Variants in HSD17B11 observed in about 807,000 individuals in gnomAD.
The protein encoded by HSD17B11 is hydroxysteroid 17-beta dehydrogenase 11, also known as estradiol 17-beta-dehydrogenase 11.
Under a neutral mutation model 27.8 loss-of-function variants are expected in HSD17B11, and 22 were observed. That is an observed-to-expected ratio of 0.79 (90% CI 0.56 to 1.13). HSD17B11 has a LOEUF of 1.13. Ranked by LOEUF, HSD17B11 falls within the 50% of genes most tolerant of loss-of-function variation. The probability of loss-of-function intolerance (pLI) is 0.00; values close to 1 mark genes in which losing one functional copy is unlikely to be tolerated. For synonymous variants in HSD17B11, 117 were observed against 132.8 expected (o/e 0.88, Z 0.82); for missense variants, 314 against 351.1 (o/e 0.89, Z 0.84).
intron 1 of HSD17B11, among the ~76,000 whole-genome samples, chr4:87,383,205 G>C (rs1360625895): frequency 2.0e-5 from 3 of 152,190 alleles, no homozygotes; most frequent in African/African-American, 7.2e-5. Context: ...GGATCATAAA[G>C]GTCAAGGCCA....
intron 5 of HSD17B11, among the ~76,000 whole-genome samples, chr4:87,355,524 GA>G (rs150489529): frequency 0.036 from 5,234 of 147,412 alleles, 322 homozygotes; most frequent in African/African-American, 0.12. Context: ...AACAACTGGG[GA>G]AAAAAAAAAC....
chr4:87,359,497 G>A (rs941589041), intron 4 of HSD17B11, among the ~76,000 whole-genome samples: 2 of 152,210 alleles, frequency 1.3e-5, no homozygotes, highest in East Asian at 3.9e-4. Flanking sequence ...AAGTAGCTGG[G>A]ACTACAGGCA....
intron 6 of HSD17B11, chr4:87,340,264 T>C (rs57041248): frequency 0.14 from 40,021 of 276,026 alleles, 3,386 homozygotes; most frequent in East Asian, 0.3. Context: ...TGCAGAAATA[T>C]ACAAATTTCT....
chr4:87,378,948 T>TATATATATA (rs1560769667), intron 2 of HSD17B11, among the ~76,000 whole-genome samples: 1 of 15,866 alleles, frequency 6.3e-5, no homozygotes, highest in African/African-American at 5.0e-4. Context: ...ATATATATAT[T>TATATATATA]TATATATATA....
chr4:87,378,831 AATATATATATATAAAT>A (rs1252816979), intron 2 of HSD17B11, among the ~76,000 whole-genome samples: 3 of 21,908 alleles, frequency 1.4e-4, no homozygotes, highest in Admixed American at 7.5e-4. Flanking sequence ...TATATATATA[AATATATATATATAAAT>A]ATATATATAA....
intron 4 of HSD17B11, among the ~76,000 whole-genome samples, chr4:87,370,090 C>A (rs1253422428): frequency 2.6e-5 from 4 of 152,150 alleles, no homozygotes; most frequent in African/African-American, 9.7e-5. Flanking sequence ...AAATTATTTT[C>A]TGTGGCTGTA....
chr4:87,384,979 G>C (rs1390695255), intron 1 of HSD17B11, among the ~76,000 whole-genome samples: 1 of 151,968 alleles, frequency 6.6e-6, no homozygotes, highest in Non-Finnish European at 1.5e-5. Context: ...TCTTTATACT[G>C]TCTCTCTTTA....
At chr4:87,375,824 C>T (rs1201032172) in intron 2 of HSD17B11, among the ~76,000 whole-genome samples, 1 of 123,724 alleles carries the variant, frequency 8.1e-6, no homozygotes, top group Non-Finnish European at 1.7e-5. Context: ...ATTAAGCTGG[C>T]CACATTTTCT....
chr4:87,366,955 T>C (rs949719377), intron 4 of HSD17B11, among the ~76,000 whole-genome samples: 1 of 152,210 alleles, frequency 6.6e-6, no homozygotes, highest in African/African-American at 2.4e-5. Context: ...CTTAAAATAT[T>C]GCTGATCTTT....
intron 4 of HSD17B11, among the ~76,000 whole-genome samples, chr4:87,364,107 G>A (rs1390875015): frequency 6.6e-6 from 1 of 151,826 alleles, no homozygotes; most frequent in South Asian, 2.1e-4. Context: ...GCTGGAAAAA[G>A]GTTTTTTCTT....
chr4:87,346,040 A>G (rs1735265581), intron 5 of HSD17B11, among the ~76,000 whole-genome samples: 1 of 152,218 alleles, frequency 6.6e-6, no homozygotes, highest in Admixed American at 6.5e-5. Flanking sequence ...AAAATTCTCA[A>G]CAAAAGATTG....
chr4:87,374,869 G>T, intron 2 of HSD17B11, 39 bp from the exon 3 acceptor site: 2 of 1,475,644 alleles, frequency 1.4e-6, no homozygotes, highest in Non-Finnish European at 1.8e-6. Context: ...TTCATTAAGA[G>T]GTATGAGGGT....
intron 5 of HSD17B11, among the ~76,000 whole-genome samples, chr4:87,347,030 A>G (rs1251388998): frequency 6.6e-6 from 1 of 151,304 alleles, no homozygotes; most frequent in Non-Finnish European, 1.5e-5. Flanking sequence ...TATAGTAAAC[A>G]GTAAATTGTA....
intron 4 of HSD17B11, among the ~76,000 whole-genome samples, chr4:87,361,779 ACTTT>A (rs999383095): frequency 6.6e-6 from 1 of 151,754 alleles, no homozygotes; most frequent in Non-Finnish European, 1.5e-5. Context: ...AAATAAATAA[ACTTT>A]CTTTCACTTT....
At chr4:87,345,458 T>G (rs1735253108) in intron 5 of HSD17B11, among the ~76,000 whole-genome samples, 2 of 151,000 alleles carry the variant, frequency 1.3e-5, no homozygotes, top group Admixed American at 6.6e-5. Flanking sequence ...AAAAAAAGAT[T>G]GAAGCACAAA....
Position 87,372,834 on chromosome 4 carries a change from A to G in HSD17B11, c.451-19T>C. The G allele has an allele frequency of 7.0e-7, 1 of 1,436,058 alleles. No homozygotes were observed. The highest frequency in any genetic ancestry group is 9.7e-7 in the Non-Finnish European group (1 of 1,034,556). 89.0% of individuals were successfully genotyped at this position (1,436,058 alleles called of 1,614,324 possible). On this transcript the variant is annotated intron_variant, in intron 3 of 6. Transcript: ENST00000358290. ...TTGTAGTCTACAAATAGTTTTTATT[A>G]AAAGAGAAAAAATACTGTATTTCAG...
chr4:87,344,300 A>T (rs933287098), intron 5 of HSD17B11, among the ~76,000 whole-genome samples: 2 of 152,262 alleles, frequency 1.3e-5, no homozygotes, highest in African/African-American at 4.8e-5. Context: ...TAGATGTTTT[A>T]AAATGATGTT....
At chr4:87,375,270 G>GA (rs1223259580) in intron 2 of HSD17B11, among the ~76,000 whole-genome samples, 1 of 151,932 alleles carries the variant, frequency 6.6e-6, no homozygotes, top group African/African-American at 2.4e-5. Flanking sequence ...GTCAACAGGG[G>GA]AAAAAAATCC....
chr4:87,374,759 AAAC>A lies in HSD17B11; in HGVS notation c.387_389del (p.Leu129del). 1 of 1,608,966 alleles carries A rather than the reference AAAC, an allele frequency of 6.2e-7. No homozygotes were observed. The highest frequency in any genetic ancestry group is 8.5e-7 in the Non-Finnish European group (1 of 1,177,600). ...TTTCAATCTGAGGATCTTGTGTAGC[AAAC>A]AAATCTGATGTATAGACTACACCAG... On this transcript the variant is annotated inframe_deletion, in exon 3 of 7. Coordinates refer to ENST00000358290, the MANE Select transcript of HSD17B11 (RefSeq NM_016245.5).
Sources: allele counts gnomAD v4.1 joint callset (sites outside exome capture counted in the v4.1 genomes callset), GRCh38; gene constraint gnomAD v4.1.1; transcripts MANE v1.5; gene names NCBI Gene and HGNC (gene_info 2026-07-23, HGNC 2026-07-21).